The following PDE3B variants were observed in gnomAD, a reference collection of about 807,000 sequenced individuals.
PDE3B encodes the protein cGMP-inhibited 3',5'-cyclic phosphodiesterase 3B.
A neutral mutation model predicts 116.8 loss-of-function variants in PDE3B; 66 were observed. The observed-to-expected ratio is 0.56, with a 90% CI of 0.46 to 0.69. PDE3B has a LOEUF of 0.69. Ranked by LOEUF, PDE3B falls within the 30% of genes least tolerant of loss-of-function variation. The pLI is 0.00. For synonymous variants in PDE3B, 595 were observed against 533.6 expected (o/e 1.12, Z -1.59); for missense variants, 1,384 against 1,368.1 (o/e 1.01, Z -0.18).
At chr11:14,684,492 C>T (rs1854809057) in intron 1 of PDE3B, among the ~76,000 whole-genome samples, 1 of 152,176 alleles carries the variant, frequency 6.6e-6, no homozygotes, top group African/African-American at 2.4e-5. Context: ...TTCAGAACTA[C>T]TGATTAGGGT....
the PDE3B span, chr11:14,891,776 G>A: frequency 7.2e-7 from 1 of 1,394,324 alleles, no homozygotes; most frequent in African/African-American, 1.5e-5. Context: ...CACCGGCAGG[G>A]GCGGGGCTCC....
intron 12 of PDE3B, among the ~76,000 whole-genome samples, chr11:14,848,549 G>A (rs565587751): frequency 2.0e-5 from 3 of 152,074 alleles, no homozygotes; most frequent in African/African-American, 7.2e-5. Context: ...AAGTCAAATT[G>A]TCCCTGTTTG....
At chr11:14,811,534 G>T (rs1193534969) in intron 5 of PDE3B, among the ~76,000 whole-genome samples, 1 of 152,110 alleles carries the variant, frequency 6.6e-6, no homozygotes, top group Admixed American at 6.5e-5. Context: ...TGCTGTTTTG[G>T]TTACTGTAGC....
chr11:14,723,771 A>C (rs970262929), intron 1 of PDE3B, among the ~76,000 whole-genome samples: 1 of 152,100 alleles, frequency 6.6e-6, no homozygotes, highest in Non-Finnish European at 1.5e-5. Context: ...CAAAAAAAAA[A>C]ACAAAAACCA....
the PDE3B span, chr11:14,887,498 G>T: frequency 2.7e-6 from 2 of 746,580 alleles, no homozygotes; most frequent in Non-Finnish European, 3.3e-6. Context: ...TCCTTAAACT[G>T]CTTTGATCTA....
rs1232707108 is a variant in PDE3B, at chr11:14,830,814, A to G, written c.1924A>G (p.Thr642Ala). Residue 642 changes from threonine to alanine, a missense_variant, in exon 8 of 16, where the codon ACA becomes GCA. Transcript: ENST00000282096. ...ATTTCAGGAAGGTGATAAGTGGCTA[A>G]CAGAAGAGGCACAGAGTGAACAGCA... ...KLFQEGDKWL[T>A]EEAQSEQQTN... 1.3e-6 allele frequency: 2 copies of G among 1,530,638 alleles called. No homozygotes were observed. Among genetic ancestry groups the G allele is most frequent in the Non-Finnish European group, 8.7e-7 (1 of 1,144,756 alleles). 94.8% of individuals were successfully genotyped at this position (1,530,638 alleles called of 1,614,324 possible).
intron 1 of PDE3B, among the ~76,000 whole-genome samples, chr11:14,647,477 C>T (rs1853442385): frequency 6.6e-6 from 1 of 151,834 alleles, no homozygotes; most frequent in Admixed American, 6.6e-5. Context: ...TTAGTTTACA[C>T]TTTTGGTAAG....
At chr11:14,880,032 G>T in the PDE3B span, 2 of 1,127,038 alleles carry the variant, frequency 1.8e-6, no homozygotes, top group Non-Finnish European at 1.3e-6. Context: ...GGCTGGCATC[G>T]CAGGAGTTCC....
chr11:14,714,112 A>G (rs1164074199), intron 1 of PDE3B, among the ~76,000 whole-genome samples: 1 of 151,962 alleles, frequency 6.6e-6, no homozygotes, highest in Non-Finnish European at 1.5e-5. Context: ...TTGGTTAAAG[A>G]GGAAGTCTGC....
At chr11:14,699,509 G>A (rs1427474346) in intron 1 of PDE3B, among the ~76,000 whole-genome samples, 2 of 151,496 alleles carry the variant, frequency 1.3e-5, no homozygotes, top group Non-Finnish European at 3.0e-5. Flanking sequence ...CCTTGTTTTC[G>A]TTACCAAAGA....
At chr11:14,801,943 C>T (rs955921387) in intron 4 of PDE3B, among the ~76,000 whole-genome samples, 7 of 152,234 alleles carry the variant, frequency 4.6e-5, no homozygotes, top group African/African-American at 1.7e-4. Flanking sequence ...GGCAAAACGC[C>T]TACTCAAGCC....
At chr11:14,796,423 C>T (rs1858555734) in intron 4 of PDE3B, among the ~76,000 whole-genome samples, 1 of 152,150 alleles carries the variant, frequency 6.6e-6, no homozygotes, top group African/African-American at 2.4e-5. Flanking sequence ...ATTTCTTGTC[C>T]TAGATCCTTG....
intron 1 of PDE3B, among the ~76,000 whole-genome samples, chr11:14,662,898 A>G (rs1853980988): frequency 6.6e-6 from 1 of 152,242 alleles, no homozygotes; most frequent in African/African-American, 2.4e-5. Flanking sequence ...GATATTATCT[A>G]GGAGAACTTC....
At chr11:14,888,592 C>G in the PDE3B span, among the ~76,000 whole-genome samples, 1 of 152,174 alleles carries the variant, frequency 6.6e-6, no homozygotes, top group Non-Finnish European at 1.5e-5. Context: ...CTTTTTCTCT[C>G]TGCTTTGAAC....
At chr11:14,786,001 T>A (rs1385850582) in intron 2 of PDE3B, among the ~76,000 whole-genome samples, 4 of 152,088 alleles carry the variant, frequency 2.6e-5, no homozygotes, top group African/African-American at 9.7e-5. Context: ...AACTAAAATA[T>A]TCAGAGGTTA....
rs569871836 is a variant in PDE3B at position 14,727,827 on chromosome 11, G to A, written c.979-44110G>A. On this transcript the variant is annotated intron_variant, in intron 1 of 15. Coordinates refer to ENST00000282096, the MANE Select transcript of PDE3B (RefSeq NM_000922.4). The stretch of plus-strand genomic sequence containing the variant: ...TCATTTGTGCTTATAACAATAATAA[G>A]CACTATTTATTCCTTGAGTGGTTTT... 8.4e-4 allele frequency among the ~76,000 whole-genome samples: 126 copies of A among 150,118 alleles called. 2 individuals are homozygous for A. The highest frequency in any genetic ancestry group is 1.0e-3 in the Non-Finnish European group (70 of 67,286).
intron 12 of PDE3B, among the ~76,000 whole-genome samples, chr11:14,857,166 G>C (rs906541328): frequency 6.6e-6 from 1 of 152,178 alleles, no homozygotes. Flanking sequence ...TGTATTTGCT[G>C]TAGAGAGAAG....
chr11:14,672,273 C>T (rs1854395233), intron 1 of PDE3B, among the ~76,000 whole-genome samples: 1 of 151,722 alleles, frequency 6.6e-6, no homozygotes, highest in African/African-American at 2.4e-5. Context: ...CATGAAACTT[C>T]TATCTGAACA....
chr11:14,729,368 T>C (rs7117383), intron 1 of PDE3B, among the ~76,000 whole-genome samples: 23,281 of 152,254 alleles, frequency 0.15, 2,785 homozygotes, highest in African/African-American at 0.34. Flanking sequence ...TGCTTATTTT[T>C]ACAGTGGCCT....
Sources: gnomAD v4.1 joint callset for allele counts (sites outside exome capture counted in the v4.1 genomes callset) on GRCh38, gnomAD v4.1.1 for gene constraint, MANE v1.5 for transcripts, NCBI Gene and HGNC (gene_info 2026-07-23, HGNC 2026-07-21) for gene names.